NBEA: variants seen among roughly 807,000 people sequenced by gnomAD.
The protein encoded by NBEA is neurobeachin, also known as lysosomal-trafficking regulator 2.
In NBEA, 44 loss-of-function variants were observed where a neutral mutation model predicts 343.4. That is an observed-to-expected ratio of 0.13 (90% CI 0.10 to 0.16). The LOEUF (loss-of-function observed/expected upper bound fraction) is 0.16, where lower values mean the gene tolerates loss of function less well. Among genes scored for constraint, NBEA ranks in the 10% least tolerant of loss-of-function variants. The pLI is 1.00. For synonymous variants in NBEA, 1,175 were observed against 1,238.7 expected, an observed-to-expected ratio of 0.95 and a Z score of 1.08; for missense variants, 2,555 against 3,631.3, an observed-to-expected ratio of 0.70 and a Z score of 7.62.
At chr13:35,504,154 C>T (rs2076986235) in intron 41 of NBEA, among the ~76,000 whole-genome samples, 1 of 152,134 alleles carries the variant, frequency 6.6e-6, no homozygotes, top group Non-Finnish European at 1.5e-5. Flanking sequence ...TTAGAGGAAA[C>T]ATTTTGGATT....
At chr13:35,187,581 G>T (rs1190188588) in intron 30 of NBEA, among the ~76,000 whole-genome samples, 1 of 151,600 alleles carries the variant, frequency 6.6e-6, no homozygotes, top group East Asian at 1.9e-4. Context: ...GCCTTAACAT[G>T]GCAAAACTAT....
At chr13:35,545,835 G>A (rs1199848874) in intron 41 of NBEA, among the ~76,000 whole-genome samples, 14 of 152,148 alleles carry the variant, frequency 9.2e-5, no homozygotes, top group Admixed American at 5.2e-4. Context: ...AGAGAAACCA[G>A]CTGTATTTAG....
In NBEA at chr13:35,309,554, T is replaced by C. The variant is rs766334735; in HGVS notation, c.5865T>C (p.Asn1955=). 3.1e-6 allele frequency: 5 copies of C among 1,592,960 alleles called. No individual in the cohort carries two copies. In the East Asian group the frequency reaches 6.8e-5, roughly 22 times the overall value. The change falls in exon 36 of 59, where the codon AAT becomes AAC. Residue 1955 remains asparagine, a synonymous_variant. Transcript: ENST00000379939. ...AATGGCAAAACTCTATTCAGAAGAA[T>C]GCAGGACTTGCATTTATTGAGCTCA... ...SQEWQNSIQK[N]AGLAFIELIN... is the part of the protein sequence containing the mutation.
intron 34 of NBEA, among the ~76,000 whole-genome samples, chr13:35,267,791 T>G (rs2152802370): frequency 6.7e-6 from 1 of 148,630 alleles, no homozygotes; most frequent in East Asian, 2.0e-4. Context: ...AAATCCAGAA[T>G]GAGATGTCAC....
chr13:35,307,062 T>C (rs2152830246), intron 35 of NBEA, among the ~76,000 whole-genome samples: 1 of 152,236 alleles, frequency 6.6e-6, no homozygotes, highest in Admixed American at 6.5e-5. Flanking sequence ...TCTTCAGTAT[T>C]TTCATAATAA....
At chr13:35,091,264 C>A (rs2065067237) in intron 10 of NBEA, among the ~76,000 whole-genome samples, 1 of 151,942 alleles carries the variant, frequency 6.6e-6, no homozygotes, top group Admixed American at 6.6e-5. Flanking sequence ...CATTGCAGAG[C>A]AGAGAAACTA....
intron 38 of NBEA, among the ~76,000 whole-genome samples, chr13:35,355,305 A>T (rs2040430378): frequency 6.6e-6 from 1 of 152,114 alleles, no homozygotes; most frequent in Admixed American, 6.6e-5. Flanking sequence ...TTCTCAGCGC[A>T]ACAGCCTGAG....
At chr13:35,150,111 T>C (rs1307921464) in intron 18 of NBEA, among the ~76,000 whole-genome samples, 1 of 152,208 alleles carries the variant, frequency 6.6e-6, no homozygotes, top group Non-Finnish European at 1.5e-5. Flanking sequence ...CCTGAAATGA[T>C]GAAGGAACCA....
chr13:35,471,034 G>T (rs2075620790), intron 40 of NBEA, among the ~76,000 whole-genome samples: 1 of 152,138 alleles, frequency 6.6e-6, no homozygotes, highest in South Asian at 2.1e-4. Flanking sequence ...TCGGGGGATC[G>T]AGAGCAGTGA....
intron 25 of NBEA, among the ~76,000 whole-genome samples, chr13:35,170,003 C>A (rs967116289): frequency 6.6e-6 from 1 of 151,812 alleles, no homozygotes; most frequent in East Asian, 1.9e-4. Context: ...GGTTTTAACC[C>A]TATTTTGCTG....
At chr13:35,537,466 A>G (rs922109962) in intron 41 of NBEA, among the ~76,000 whole-genome samples, 1 of 128,312 alleles carries the variant, frequency 7.8e-6, no homozygotes, top group African/African-American at 2.5e-5. Context: ...TAATGAGAAG[A>G]AAAAAAATGG....
chr13:35,548,892 C>T (rs550826330), intron 41 of NBEA, among the ~76,000 whole-genome samples: 25 of 152,120 alleles, frequency 1.6e-4, no homozygotes, highest in Non-Finnish European at 2.9e-4. Flanking sequence ...CCAATTGTCA[C>T]CTGATGCTCA....
At chr13:35,091,195 C>G (rs1419569346) in intron 10 of NBEA, among the ~76,000 whole-genome samples, 1 of 151,962 alleles carries the variant, frequency 6.6e-6, no homozygotes, top group African/African-American at 2.4e-5. Context: ...ACACCCTTTT[C>G]TTCTTAATCT....
intron 17 of NBEA, among the ~76,000 whole-genome samples, chr13:35,128,679 T>G (rs1326084878): frequency 6.6e-6 from 1 of 152,074 alleles, no homozygotes; most frequent in African/African-American, 2.4e-5. Flanking sequence ...CTTGACTCTG[T>G]GGGTAGTGAA....
At chr13:35,121,510 T>C (rs989542811) in intron 16 of NBEA, among the ~76,000 whole-genome samples, 17 of 152,002 alleles carry the variant, frequency 1.1e-4, no homozygotes, top group African/African-American at 3.9e-4. Flanking sequence ...TGTCTGACTT[T>C]GCTATTCTCA....
chr13:34,988,647 G>T (rs578139429), intron 1 of NBEA, among the ~76,000 whole-genome samples: 1 of 151,114 alleles, frequency 6.6e-6, no homozygotes, highest in African/African-American at 2.4e-5. Flanking sequence ...CTGCGGACCA[G>T]AGCTGTTCCT....
chr13:35,083,915 G>T (rs544098312), intron 10 of NBEA, among the ~76,000 whole-genome samples: 1 of 152,214 alleles, frequency 6.6e-6, no homozygotes, highest in Admixed American at 6.5e-5. Context: ...AAAAAAGGCG[G>T]AGATTGTGAT....
chr13:35,072,723 A>T (rs562982003), intron 10 of NBEA, among the ~76,000 whole-genome samples: 257 of 151,922 alleles, frequency 1.7e-3, no homozygotes, highest in Admixed American at 2.9e-3. Context: ...CACCATGCCC[A>T]GCTAATTTTT....
rs575189886 is a variant in NBEA at position 35,646,993 on chromosome 13, G to A, written c.7770+645G>A. On this transcript the variant is annotated intron_variant, in intron 51 of 58. Transcript: ENST00000379939. ...TCAATACTGTATAGCACTTAGACCA[G>A]CACCTGTCATACAATAAGTTCTTAA... Among the ~76,000 whole-genome samples, 9 of 152,258 alleles carry A rather than the reference G, an allele frequency of 5.9e-5. No individual in the cohort carries two copies. The South Asian group carries it at 1.9e-3, about 32-fold the overall frequency.
Sources: allele counts gnomAD v4.1 joint callset (sites outside exome capture counted in the v4.1 genomes callset), GRCh38; gene constraint gnomAD v4.1.1; transcripts MANE v1.5; gene names NCBI Gene and HGNC (gene_info 2026-07-23, HGNC 2026-07-21).